KCTD8: variants seen among roughly 807,000 people sequenced by gnomAD.
KCTD8 encodes the protein potassium channel tetramerization domain containing 8.
A neutral mutation model predicts 31.5 loss-of-function variants in KCTD8; 27 were observed. That is an observed-to-expected ratio of 0.86 (90% CI 0.63 to 1.18). The LOEUF (loss-of-function observed/expected upper bound fraction) is 1.18, where lower values mean the gene tolerates loss of function less well. Among genes scored for constraint, KCTD8 ranks in the 50% most tolerant of loss-of-function variants. The probability of loss-of-function intolerance (pLI) is 0.00; values close to 1 mark genes in which losing one functional copy is unlikely to be tolerated. For synonymous variants in KCTD8, 290 were observed against 280.0 expected (o/e 1.04, Z -0.36); for missense variants, 658 against 647.7 (o/e 1.02, Z -0.17).
intron 1 of KCTD8, among the ~76,000 whole-genome samples, chr4:44,429,236 C>T (rs562717679): frequency 9.2e-5 from 14 of 151,918 alleles, no homozygotes; most frequent in Middle Eastern, 3.4e-3. Flanking sequence ...CTCTGCCTGA[C>T]ATTGGTCCAC....
At chr4:44,418,438 C>T (rs1416856129) in intron 1 of KCTD8, among the ~76,000 whole-genome samples, 1 of 151,530 alleles carries the variant, frequency 6.6e-6, no homozygotes, top group Non-Finnish European at 1.5e-5. Flanking sequence ...ATCTTTCTAA[C>T]CAATTATAAC....
intron 1 of KCTD8, among the ~76,000 whole-genome samples, chr4:44,408,159 C>T (rs953008880): frequency 6.6e-6 from 1 of 152,140 alleles, no homozygotes; most frequent in East Asian, 1.9e-4. Context: ...GGCTTCATTA[C>T]CTGCAATACA....
At chr4:44,422,188 C>A (rs150446831) in intron 1 of KCTD8, among the ~76,000 whole-genome samples, 1 of 152,022 alleles carries the variant, frequency 6.6e-6, no homozygotes, top group Non-Finnish European at 1.5e-5. Context: ...ACCCCTCTCT[C>A]AAAGGAAATG....
intron 1 of KCTD8, among the ~76,000 whole-genome samples, chr4:44,325,911 T>C (rs1212971624): frequency 6.6e-6 from 1 of 152,000 alleles, no homozygotes; most frequent in Non-Finnish European, 1.5e-5. Context: ...TATGCTTTTC[T>C]TCTGCTTCAA....
chr4:44,302,226 TTAAAG>T (rs1415703689), intron 1 of KCTD8, among the ~76,000 whole-genome samples: 7 of 152,148 alleles, frequency 4.6e-5, no homozygotes, highest in Non-Finnish European at 5.9e-5. Flanking sequence ...CATATGAACT[TTAAAG>T]TAGTTTTTTC....
chr4:44,409,413 T>G (rs1357938327), intron 1 of KCTD8, among the ~76,000 whole-genome samples: 1 of 151,956 alleles, frequency 6.6e-6, no homozygotes, highest in Admixed American at 6.6e-5. Context: ...GTGGTTTGCC[T>G]CCCCTAATAG....
In KCTD8 at chr4:44,448,130, G is replaced by A. The variant is rs949124406; in HGVS notation, c.394C>T (p.Arg132Cys). Residue 132 changes from arginine to cysteine, a missense_variant, in exon 1 of 2, where the codon CGC becomes TGC. Arg to Cys is a radical substitution (Grantham distance 180). Coordinates refer to ENST00000360029, the MANE Select transcript of KCTD8 (RefSeq NM_198353.3). This position sits in a 1 kb window ranked among gnomAD's most constrained non-coding sequence, Gnocchi z 4.1. ...GTGAGCTGGAAATACTCGGCCTCGCGCAGCAGCCGCTCCTTCTCGGGGAAG... is the reference window on the plus strand; with the variant it reads ...GTGAGCTGGAAATACTCGGCCTCGCACAGCAGCCGCTCCTTCTCGGGGAAG... ...EHFPEKERLL[R>C]EAEYFQLTDL... The A allele has an allele frequency of 6.2e-7, 1 of 1,612,586 alleles. No individual in the cohort carries two copies. The highest frequency in any genetic ancestry group is 1.1e-5 in the South Asian group (1 of 91,072).
In KCTD8 at chr4:44,399,476, G is replaced by A. The variant is rs147048968; in HGVS notation, c.961+48087C>T. ...AGGATGTAAGCAAGATCCCAGAGGC[G>A]GAAAAGGGTGAGATCTAACTCAGAG... On this transcript the variant is annotated intron_variant, in intron 1 of 1. Transcript: ENST00000360029. 2.4e-3 allele frequency among the ~76,000 whole-genome samples: 371 copies of A among 152,210 alleles called. 2 individuals are homozygous for A. Among genetic ancestry groups the A allele is most frequent in the African/African-American group, 7.9e-3 (329 of 41,546 alleles).
At chr4:44,368,159 C>A (rs1719691410) in intron 1 of KCTD8, among the ~76,000 whole-genome samples, 1 of 152,036 alleles carries the variant, frequency 6.6e-6, no homozygotes, top group Non-Finnish European at 1.5e-5. Flanking sequence ...GGTGGATCAC[C>A]TGAGGTCAAA....
chr4:44,245,989 C>G (rs1051771291), intron 1 of KCTD8, among the ~76,000 whole-genome samples: 9 of 151,854 alleles, frequency 5.9e-5, no homozygotes, highest in Admixed American at 2.6e-4. Context: ...AACAAACAAG[C>G]AAGAAACAAT....
intron 1 of KCTD8, among the ~76,000 whole-genome samples, chr4:44,363,982 T>C (rs1270120232): frequency 6.6e-6 from 1 of 152,068 alleles, no homozygotes; most frequent in Non-Finnish European, 1.5e-5. Flanking sequence ...CACAAAACTA[T>C]AAAATTCCTA....
At chr4:44,285,051 G>A (rs1451985368) in intron 1 of KCTD8, among the ~76,000 whole-genome samples, 1 of 152,166 alleles carries the variant, frequency 6.6e-6, no homozygotes, top group African/African-American at 2.4e-5. Context: ...AACCATTGTG[G>A]AAGACAGTGT....
intron 1 of KCTD8, among the ~76,000 whole-genome samples, chr4:44,322,315 T>C (rs1330631324): frequency 6.6e-6 from 1 of 152,088 alleles, no homozygotes; most frequent in Non-Finnish European, 1.5e-5. Flanking sequence ...GATATTGTAT[T>C]GTGGTTTTGA....
chr4:44,311,306 G>A (rs1168607240), intron 1 of KCTD8, among the ~76,000 whole-genome samples: 2 of 151,628 alleles, frequency 1.3e-5, no homozygotes, highest in Non-Finnish European at 2.9e-5. Context: ...TATCTTCCAC[G>A]GTGTTGCCTT....
chr4:44,240,230 A>G (rs944708526), intron 1 of KCTD8, among the ~76,000 whole-genome samples: 4 of 152,230 alleles, frequency 2.6e-5, no homozygotes, highest in Non-Finnish European at 4.4e-5. Flanking sequence ...CTGTCAAAAC[A>G]GCAATCAAGT....
chr4:44,294,020 A>G (rs1717358894), intron 1 of KCTD8, among the ~76,000 whole-genome samples: 1 of 152,208 alleles, frequency 6.6e-6, no homozygotes, highest in African/African-American at 2.4e-5. Context: ...TTTTGCTTAA[A>G]AATTTACAAA....
Position 44,275,231 on chromosome 4 carries a change from TG to T in KCTD8, c.962-99982del, listed in dbSNP as rs200403404. On this transcript the variant is annotated intron_variant, in intron 1 of 1. Transcript: ENST00000360029. Reference sequence around the variant, plus strand: ...AGGCATATAAAAGATTGGTTCTTAATGTTACACACAGTGGGGTGTGAATATA... The same window carrying T: ...AGGCATATAAAAGATTGGTTCTTAATTTACACACAGTGGGGTGTGAATATA... Among the ~76,000 whole-genome samples, 437 of 152,132 alleles carry T rather than the reference TG, an allele frequency of 2.9e-3. 5 individuals carry two copies. Among genetic ancestry groups the T allele is most frequent in the African/African-American group, 9.8e-3 (409 of 41,550 alleles).
chr4:44,285,648 T>C (rs1717042916), intron 1 of KCTD8, among the ~76,000 whole-genome samples: 1 of 152,084 alleles, frequency 6.6e-6, no homozygotes, highest in South Asian at 2.1e-4. Context: ...CTTATTGACA[T>C]TGCACTTAGT....
At chr4:44,370,952 C>T (rs1719767673) in intron 1 of KCTD8, among the ~76,000 whole-genome samples, 1 of 151,900 alleles carries the variant, frequency 6.6e-6, no homozygotes, top group Non-Finnish European at 1.5e-5. Context: ...GAAGAATTGG[C>T]TCATATGATA....
Sources: allele counts gnomAD v4.1 joint callset (sites outside exome capture counted in the v4.1 genomes callset), GRCh38; gene constraint gnomAD v4.1.1; non-coding constraint Gnocchi (gnomAD v3.1); transcripts MANE v1.5; gene names NCBI Gene and HGNC (gene_info 2026-07-23, HGNC 2026-07-21).